PTPRT: variants seen among roughly 807,000 people sequenced by gnomAD.
PTPRT encodes receptor-type tyrosine-protein phosphatase T.
A neutral mutation model predicts 176.8 loss-of-function variants in PTPRT; 56 were observed. The observed-to-expected ratio is 0.32, with a 90% CI of 0.26 to 0.40. The LOEUF (loss-of-function observed/expected upper bound fraction) is 0.40, where lower values mean the gene tolerates loss of function less well. Ranked by LOEUF, PTPRT falls within the 10% of genes least tolerant of loss-of-function variation. PTPRT has a pLI of 1.00. For missense variants in PTPRT, 1,540 were observed against 1,908.2 expected, an observed-to-expected ratio of 0.81 and a Z score of 3.60; for synonymous variants, 783 against 739.0, an observed-to-expected ratio of 1.06 and a Z score of -0.96.
intron 1 of PTPRT, among the ~76,000 whole-genome samples, chr20:42,894,302 C>G (rs553717453): frequency 7.9e-5 from 12 of 152,130 alleles, no homozygotes; most frequent in Non-Finnish European, 1.6e-4. Context: ...TTGCAAGGAC[C>G]AAGTAATCAC....
intron 16 of PTPRT, among the ~76,000 whole-genome samples, chr20:42,187,759 T>C (rs1201584320): frequency 6.6e-6 from 1 of 152,216 alleles, no homozygotes; most frequent in African/African-American, 2.4e-5. Flanking sequence ...ATCCAGGTGA[T>C]TTCCAGAATG....
intron 16 of PTPRT, among the ~76,000 whole-genome samples, chr20:42,195,234 T>C (rs1236835653): frequency 6.6e-6 from 1 of 152,220 alleles, no homozygotes; most frequent in East Asian, 1.9e-4. Flanking sequence ...AGGGCCTACC[T>C]GGTCAATAAT....
chr20:43,189,433 G>A lies in PTPRT; in HGVS notation c.88+213C>T, dbSNP rs1343017404. ...GAAGCGGGGAACTTCGCCAAACGCGGGCTGCCGAGGGACGCGAGGGGCCGG... is the reference window on the plus strand; with the variant it reads ...GAAGCGGGGAACTTCGCCAAACGCGAGCTGCCGAGGGACGCGAGGGGCCGG... On this transcript the variant is annotated intron_variant, in intron 1 of 30. Coordinates refer to ENST00000373187, the MANE Select transcript of PTPRT (RefSeq NM_007050.6). This position sits in a 1 kb window ranked among gnomAD's most constrained non-coding sequence, Gnocchi z 5.0. 2.0e-5 allele frequency among the ~76,000 whole-genome samples: 3 copies of A among 152,176 alleles called. No individual in the cohort carries two copies. Among genetic ancestry groups the A allele is most frequent in the Non-Finnish European group, 2.9e-5 (2 of 68,012 alleles).
intron 1 of PTPRT, among the ~76,000 whole-genome samples, chr20:42,901,497 C>T (rs2079403045): frequency 6.6e-6 from 1 of 152,114 alleles, no homozygotes; most frequent in Admixed American, 6.5e-5. Context: ...CTTAGATACT[C>T]AATGACATAT....
rs114147569 is a variant in PTPRT, at chr20:42,802,617, T to C, written c.215-11151A>G. Among the ~76,000 whole-genome samples, 914 of 152,360 alleles carry C rather than the reference T, an allele frequency of 6.0e-3. 14 individuals carry two copies. Among genetic ancestry groups the C allele is most frequent in the African/African-American group, 0.021 (875 of 41,572 alleles). On this transcript the variant is annotated intron_variant, in intron 2 of 30. Transcript: ENST00000373187. ...AATTAATCCTGACAGCTTATTTTTTTAACGTAAAGGTATTTTTTTCTTCTA... is the reference window on the plus strand; with the variant it reads ...AATTAATCCTGACAGCTTATTTTTTCAACGTAAAGGTATTTTTTTCTTCTA...
chr20:43,060,184 T>A (rs923391198), intron 1 of PTPRT, among the ~76,000 whole-genome samples: 2 of 152,112 alleles, frequency 1.3e-5, no homozygotes, highest in African/African-American at 4.8e-5. Flanking sequence ...TTAGTCCATT[T>A]GAGCTGCTGT....
At chr20:42,494,070 A>T (rs1216191488) in intron 7 of PTPRT, among the ~76,000 whole-genome samples, 2 of 152,158 alleles carry the variant, frequency 1.3e-5, no homozygotes, top group Non-Finnish European at 2.9e-5. Flanking sequence ...GGCTTTTCTC[A>T]ATCATCTCGA....
intron 16 of PTPRT, among the ~76,000 whole-genome samples, chr20:42,174,771 C>G (rs1990220454): frequency 6.6e-6 from 1 of 152,118 alleles, no homozygotes; most frequent in South Asian, 2.1e-4. Flanking sequence ...GAGTGAGAAC[C>G]CTGACACCAT....
At chr20:42,959,238 C>T (rs1424148875) in intron 1 of PTPRT, among the ~76,000 whole-genome samples, 1 of 152,100 alleles carries the variant, frequency 6.6e-6, no homozygotes, top group African/African-American at 2.4e-5. Context: ...TACATGAGCT[C>T]ATGTACGTCA....
chr20:42,931,387 C>A (rs1228140234), intron 1 of PTPRT, among the ~76,000 whole-genome samples: 1 of 152,110 alleles, frequency 6.6e-6, no homozygotes, highest in Non-Finnish European at 1.5e-5. Context: ...AGAAAACTGG[C>A]CAGAACCTTG....
intron 13 of PTPRT, among the ~76,000 whole-genome samples, chr20:42,259,365 A>G: frequency 6.6e-6 from 1 of 152,206 alleles, no homozygotes; most frequent in East Asian, 1.9e-4. Context: ...CTTATTTATG[A>G]GCAGTCATGC....
chr20:42,510,547 A>G (rs2071936239), intron 7 of PTPRT, among the ~76,000 whole-genome samples: 1 of 152,074 alleles, frequency 6.6e-6, no homozygotes, highest in Non-Finnish European at 1.5e-5. Context: ...GTGTCCAGAT[A>G]AGAGCTCAGA....
At chr20:42,730,795 C>A (rs905596217) in intron 6 of PTPRT, among the ~76,000 whole-genome samples, 8 of 152,158 alleles carry the variant, frequency 5.3e-5, no homozygotes, top group African/African-American at 1.9e-4. Flanking sequence ...ATAAAAAAGT[C>A]TGGTCCTCTA....
At chr20:42,712,977 T>C (rs1468524414) in intron 6 of PTPRT, among the ~76,000 whole-genome samples, 2 of 152,126 alleles carry the variant, frequency 1.3e-5, no homozygotes, top group Non-Finnish European at 2.9e-5. Context: ...TATGTCTGAA[T>C]GCAGAAATAC....
chr20:42,513,831 T>G (rs2072007495), intron 7 of PTPRT, among the ~76,000 whole-genome samples: 1 of 152,196 alleles, frequency 6.6e-6, no homozygotes, highest in Non-Finnish European at 1.5e-5. Flanking sequence ...TAAGCAGTGA[T>G]AAACCTCCAA....
At chr20:42,714,214 G>T (rs954997398) in intron 6 of PTPRT, among the ~76,000 whole-genome samples, 3 of 152,064 alleles carry the variant, frequency 2.0e-5, no homozygotes, top group Admixed American at 2.0e-4. Flanking sequence ...ATGTTTCTGG[G>T]GTTCTAAGAA....
chr20:42,767,925 A>G (rs917507129), intron 5 of PTPRT, among the ~76,000 whole-genome samples: 4 of 146,180 alleles, frequency 2.7e-5, no homozygotes, highest in Admixed American at 6.9e-5. Context: ...ATTATGTTAC[A>G]TGATATATAT....
chr20:42,802,338 T>C (rs1326257923), intron 2 of PTPRT, among the ~76,000 whole-genome samples: 1 of 152,218 alleles, frequency 6.6e-6, no homozygotes, highest in East Asian at 1.9e-4. Flanking sequence ...CCTCCTACCC[T>C]GGGCCACGCC....
chr20:42,111,215 G>A (rs1986974056), intron 22 of PTPRT, among the ~76,000 whole-genome samples: 1 of 152,156 alleles, frequency 6.6e-6, no homozygotes, highest in South Asian at 2.1e-4. Flanking sequence ...CCTTCGCTTA[G>A]ACAGTTCCTG....
Sources: allele counts gnomAD v4.1 joint callset (sites outside exome capture counted in the v4.1 genomes callset), GRCh38; gene constraint gnomAD v4.1.1; non-coding constraint Gnocchi (gnomAD v3.1); transcripts MANE v1.5; gene names NCBI Gene and HGNC (gene_info 2026-07-23, HGNC 2026-07-21).